RFC3: variants seen among roughly 807,000 people sequenced by gnomAD.
The protein encoded by RFC3 is replication factor C subunit 3.
RFC3 carries 41 observed loss-of-function variants against 45.1 expected under a neutral mutation model. That is an observed-to-expected ratio of 0.91 (90% CI 0.71 to 1.18). The LOEUF (loss-of-function observed/expected upper bound fraction) is 1.18, where lower values mean the gene tolerates loss of function less well. Among genes scored for constraint, RFC3 ranks in the 50% most tolerant of loss-of-function variants. The pLI is 0.00. For missense variants in RFC3, 423 were observed against 428.1 expected (o/e 0.99, Z 0.10); for synonymous variants, 149 against 144.0 (o/e 1.03, Z -0.25).
intron 8 of RFC3, among the ~76,000 whole-genome samples, chr13:33,954,883 C>T (rs1313670121): frequency 6.6e-6 from 1 of 152,192 alleles, no homozygotes; most frequent in Non-Finnish European, 1.5e-5. Context: ...GAACACAAAC[C>T]TTCAGTCCAC....
chr13:33,822,108 G>C (rs2082008949), intron 2 of RFC3, among the ~76,000 whole-genome samples: 1 of 152,128 alleles, frequency 6.6e-6, no homozygotes, highest in African/African-American at 2.4e-5. Context: ...TGGGTTTTAG[G>C]CTAATGTTGA....
chr13:33,881,171 T>C (rs2082481138), intron 8 of RFC3, among the ~76,000 whole-genome samples: 1 of 152,240 alleles, frequency 6.6e-6, no homozygotes, highest in Non-Finnish European at 1.5e-5. Context: ...GTAAGATGTT[T>C]TATCTTTGTT....
chr13:33,838,235 A>G (rs2082172304), downstream of RFC3, among the ~76,000 whole-genome samples: 1 of 152,124 alleles, frequency 6.6e-6, no homozygotes, highest in African/African-American at 2.4e-5. Context: ...CATGTGTATG[A>G]AATGCCCTTT....
chr13:33,932,486 A>G (rs762262695), intron 8 of RFC3, among the ~76,000 whole-genome samples: 6 of 152,052 alleles, frequency 3.9e-5, no homozygotes, highest in Non-Finnish European at 7.4e-5. Flanking sequence ...ATATCTCTGT[A>G]TTATAAAATA....
At chr13:33,958,508 T>A (rs1352576637) in intron 8 of RFC3, among the ~76,000 whole-genome samples, 2 of 152,226 alleles carry the variant, frequency 1.3e-5, no homozygotes, top group Non-Finnish European at 2.9e-5. Flanking sequence ...TCAAACTGGA[T>A]GAGTGTTACC....
intron 8 of RFC3, among the ~76,000 whole-genome samples, chr13:33,911,118 C>T (rs947827292): frequency 1.3e-5 from 2 of 152,080 alleles, no homozygotes; most frequent in Non-Finnish European, 2.9e-5. Context: ...ATTTATTAAA[C>T]GGCAGAAGTA....
the RFC3 span, among the ~76,000 whole-genome samples, chr13:33,973,011 G>A: frequency 6.6e-6 from 1 of 152,204 alleles, no homozygotes. Context: ...AGTGCCTATT[G>A]TGAGTAAAAT....
At chr13:33,818,400 A>C in intron 1 of RFC3, 135 bp downstream of exon 1, 1 of 648,122 alleles carries the variant, frequency 1.5e-6, no homozygotes, top group Non-Finnish European at 2.6e-6. Context: ...AACACAGGGA[A>C]GGGGGAAGAG....
At chr13:33,877,321 A>G (rs184152406) in intron 8 of RFC3, among the ~76,000 whole-genome samples, 1 of 152,338 alleles carries the variant, frequency 6.6e-6, no homozygotes, top group Admixed American at 6.5e-5. Context: ...TGTGGCAGGC[A>G]TTCCACAGAC....
chr13:33,967,973 A>G (rs1482832854), downstream of RFC3, among the ~76,000 whole-genome samples: 4 of 152,240 alleles, frequency 2.6e-5, no homozygotes, highest in East Asian at 7.7e-4. Flanking sequence ...CTGCTAGGGT[A>G]ATGAAGACTG....
At chr13:33,970,997 A>G (rs1426041738), downstream of RFC3, among the ~76,000 whole-genome samples, 1 of 152,234 alleles carries the variant, frequency 6.6e-6, no homozygotes, top group African/African-American at 2.4e-5. Flanking sequence ...CATCTCTGAG[A>G]TAGAATCCAG....
At chr13:33,921,294 G>A (rs141793296) in intron 8 of RFC3, among the ~76,000 whole-genome samples, 2 of 152,274 alleles carry the variant, frequency 1.3e-5, no homozygotes, top group Admixed American at 1.3e-4. Flanking sequence ...GTAGCACTTA[G>A]TGGCTCCGTA....
chr13:33,829,526 C>CT (rs1335753560), intron 4 of RFC3: 18 of 274,656 alleles, frequency 6.6e-5, no homozygotes, highest in Middle Eastern at 1.2e-3. Flanking sequence ...AGATTCTTTT[C>CT]TTTTTTTTAC....
At chr13:33,871,521 CT>C (rs1235890775) in intron 8 of RFC3, among the ~76,000 whole-genome samples, 1 of 152,220 alleles carries the variant, frequency 6.6e-6, no homozygotes, top group East Asian at 1.9e-4. Context: ...CCACAGCCAG[CT>C]AATCCGGGAT....
chr13:33,929,305 T>C (rs529943361), intron 8 of RFC3, among the ~76,000 whole-genome samples: 2 of 152,178 alleles, frequency 1.3e-5, no homozygotes, highest in East Asian at 1.9e-4. Flanking sequence ...GCCAGTACAC[T>C]TGTGGGCTTT....
At chr13:33,914,056 TTA>T (rs1213530030) in intron 8 of RFC3, among the ~76,000 whole-genome samples, 1 of 152,112 alleles carries the variant, frequency 6.6e-6, no homozygotes, top group Non-Finnish European at 1.5e-5. Context: ...ACAAATAGAT[TTA>T]GTTAAAGATT....
intron 8 of RFC3, among the ~76,000 whole-genome samples, chr13:33,851,557 A>G (rs1462420218): frequency 6.6e-6 from 1 of 152,196 alleles, no homozygotes; most frequent in African/African-American, 2.4e-5. Context: ...GTGGATCATT[A>G]TAAAGGTCTT....
intron 8 of RFC3, among the ~76,000 whole-genome samples, chr13:33,909,200 G>A (rs976440657): frequency 2.0e-5 from 3 of 151,822 alleles, no homozygotes; most frequent in Non-Finnish European, 4.4e-5. Flanking sequence ...TAAAAGCAGG[G>A]CTTTATGTGG....
At chr13:33,925,121 C>T (rs2082796543) in intron 8 of RFC3, among the ~76,000 whole-genome samples, 1 of 142,778 alleles carries the variant, frequency 7.0e-6, no homozygotes, top group African/African-American at 2.7e-5. Context: ...ATATAGTGTA[C>T]ATATATACAT....
Sources: allele counts gnomAD v4.1 joint callset (sites outside exome capture counted in the v4.1 genomes callset), GRCh38; gene constraint gnomAD v4.1.1; transcripts MANE v1.5; gene names NCBI Gene and HGNC (gene_info 2026-07-23, HGNC 2026-07-21).